Variants in JPH1 observed in about 807,000 individuals in gnomAD.
JPH1 encodes junctophilin-1.
A neutral mutation model predicts 53.6 loss-of-function variants in JPH1; 12 were observed. That is an observed-to-expected ratio of 0.22 (90% confidence interval 0.14 to 0.36). The LOEUF is 0.36. Ranked by LOEUF, JPH1 falls within the 10% of genes least tolerant of loss-of-function variation. The probability of loss-of-function intolerance (pLI) is 1.00; values close to 1 mark genes in which losing one functional copy is unlikely to be tolerated. For missense variants in JPH1, 808 were observed against 905.5 expected (o/e 0.89, Z 1.38); for synonymous variants, 375 against 363.8 (o/e 1.03, Z -0.35).
In JPH1 at chr8:74,255,868, C is replaced by T. The variant is rs375485849; in HGVS notation, c.1258+3517G>A. On this transcript the variant is annotated intron_variant, in intron 3 of 5. Transcript: ENST00000342232. Reference sequence around the variant, plus strand: ...TACCATCTCACACCAGTTAGAATGGCGATCATTAAAAAGTCAGGAGACAAC... The same window carrying T: ...TACCATCTCACACCAGTTAGAATGGTGATCATTAAAAAGTCAGGAGACAAC... Among the ~76,000 whole-genome samples, 1,349 of 152,150 alleles carry T rather than the reference C, an allele frequency of 8.9e-3. 21 individuals are homozygous for T. Among genetic ancestry groups the T allele is most frequent in the South Asian group, 0.023 (112 of 4,816 alleles).
chr8:74,299,398 A>G (rs1172434307), intron 2 of JPH1, among the ~76,000 whole-genome samples: 1 of 152,130 alleles, frequency 6.6e-6, no homozygotes, highest in Non-Finnish European at 1.5e-5. Context: ...ACCTAAATGG[A>G]GTTGTATACA....
intron 2 of JPH1, among the ~76,000 whole-genome samples, chr8:74,282,074 C>G (rs1471720041): frequency 6.6e-6 from 1 of 152,166 alleles, no homozygotes; most frequent in Non-Finnish European, 1.5e-5. Flanking sequence ...ATACATGAAC[C>G]TACCTAATCC....
chr8:74,271,781 G>C (rs945632859), intron 2 of JPH1, among the ~76,000 whole-genome samples: 1 of 152,188 alleles, frequency 6.6e-6, no homozygotes, highest in Admixed American at 6.5e-5. Flanking sequence ...AGTCTTGTGG[G>C]CTGACCAGTA....
At position 74,245,164 on chromosome 8, in the gene JPH1, C is replaced by G; in HGVS notation, c.1270G>C (p.Val424Leu). 6.4e-7 allele frequency: 1 copy of G among 1,572,266 alleles called. No homozygotes were observed. Among genetic ancestry groups the G allele is most frequent in the Non-Finnish European group, 8.6e-7 (1 of 1,167,002 alleles). ...PDFYQPGPDY[V>L]KQRFQEGVDA... ...ACACCTTCCTGAAATCTCTGTTTGA[C>G]GTAATCAGGGCCTGGCCAAAAAAAA... Residue 424 changes from valine (V) to leucine (L), a missense_variant, in exon 4 of 6, where the codon GTC (valine) becomes CTC (leucine). Around this residue, in one of 2 missense-constraint regions of JPH1, gnomAD observed 756 missense variants for 811.9 expected, o/e 0.93. Transcript: ENST00000342232.
At chr8:74,286,063 G>A (rs1241130395) in intron 2 of JPH1, among the ~76,000 whole-genome samples, 1 of 152,056 alleles carries the variant, frequency 6.6e-6, no homozygotes, top group African/African-American at 2.4e-5. Context: ...GCAAGAACCT[G>A]GTCTATTTAA....
intron 2 of JPH1, among the ~76,000 whole-genome samples, chr8:74,274,076 A>C (rs899975669): frequency 6.6e-6 from 1 of 152,164 alleles, no homozygotes; most frequent in Non-Finnish European, 1.5e-5. Flanking sequence ...AAACACGGCA[A>C]ATGCATGTGG....
Position 74,244,653 on chromosome 8 carries a change from G to T in JPH1, c.1781C>A (p.Ser594Tyr). ...PSANKWSPSKSVTKPVAKESK... is the reference protein window; with the variant it reads ...PSANKWSPSKYVTKPVAKESK... The stretch of plus-strand genomic sequence containing the variant: ...TTCTTTGGCAACTGGTTTTGTCACA[G>T]ATTTGGAGGGACTCCACTTGTTAGC... The change falls in exon 4 of 6, where the codon TCT becomes TAT. Residue 594 changes from serine (S) to tyrosine (Y), a missense_variant. Around this residue, in one of 2 missense-constraint regions of JPH1, gnomAD observed 756 missense variants for 811.9 expected, o/e 0.93. Transcript: ENST00000342232. 6.2e-7 allele frequency: 1 copy of T among 1,614,212 alleles called. No individual in the cohort carries two copies. The highest frequency in any genetic ancestry group is 8.5e-7 in the Non-Finnish European group (1 of 1,180,056).
At position 74,253,943 on chromosome 8, in the gene JPH1, C is replaced by T. The variant is rs1033771758; in HGVS notation, c.1258+5442G>A. Among the ~76,000 whole-genome samples the T allele has an allele frequency of 1.3e-5, 2 of 152,188 alleles. 1 individual carries two copies. The highest frequency in any genetic ancestry group is 1.3e-4 in the Admixed American group (2 of 15,302). ...AAAAGTCCAGGACCAGATGGATTCA[C>T]AGCCGAATTCTACCAGAGGTACAAG... On this transcript the variant is annotated intron_variant, in intron 3 of 5. Transcript: ENST00000342232.
intron 2 of JPH1, among the ~76,000 whole-genome samples, chr8:74,261,257 T>C (rs976769850): frequency 6.6e-6 from 1 of 152,116 alleles, no homozygotes; most frequent in African/African-American, 2.4e-5. Context: ...TTAATACTAA[T>C]ATATTAATAC....
At chr8:74,292,843 C>CA (rs1807379426) in intron 2 of JPH1, among the ~76,000 whole-genome samples, 2 of 152,156 alleles carry the variant, frequency 1.3e-5, no homozygotes, top group Non-Finnish European at 2.9e-5. Context: ...TCCTGTTTAG[C>CA]AAGGCAAAAA....
rs186473670 is a variant in JPH1, at chr8:74,299,097, G to A, written c.1139+15764C>T. Among the ~76,000 whole-genome samples the A allele has an allele frequency of 1.4e-4, 21 of 152,204 alleles. No individual in the cohort carries two copies. In the East Asian group the frequency reaches 3.7e-3, roughly 27 times the overall value. ...CTCGGGCTGTACATCATTAGATGGG[G>A]TCTTCTCCCACCTGGTAAAATTTCG... is the stretch of plus-strand genomic sequence containing the variant. On this transcript the variant is annotated intron_variant, in intron 2 of 5. Coordinates refer to ENST00000342232, the MANE Select transcript of JPH1 (RefSeq NM_020647.4).
At chr8:74,287,773 C>T (rs954486382) in intron 2 of JPH1, among the ~76,000 whole-genome samples, 4 of 151,934 alleles carry the variant, frequency 2.6e-5, no homozygotes, top group African/African-American at 7.3e-5. Flanking sequence ...TTCACATCCA[C>T]TGTTTTGGCA....
chr8:74,297,809 T>C (rs1470047145), intron 2 of JPH1, among the ~76,000 whole-genome samples: 1 of 152,244 alleles, frequency 6.6e-6, no homozygotes, highest in African/African-American at 2.4e-5. Flanking sequence ...AAAGCTTTGA[T>C]AGTGTGTGGC....
At chr8:74,261,709 T>C (rs1806401490) in intron 2 of JPH1, among the ~76,000 whole-genome samples, 1 of 152,196 alleles carries the variant, frequency 6.6e-6, no homozygotes, top group Non-Finnish European at 1.5e-5. Context: ...TTCCCCCAAA[T>C]GATTTTCCAT....
intron 2 of JPH1, among the ~76,000 whole-genome samples, chr8:74,291,274 C>G (rs1351588060): frequency 2.0e-5 from 3 of 152,152 alleles, no homozygotes; most frequent in Non-Finnish European, 4.4e-5. Flanking sequence ...AGAACTTAAA[C>G]AAATTTACAA....
At chr8:74,316,502 G>A (rs1430116088) in intron 1 of JPH1, among the ~76,000 whole-genome samples, 1 of 152,168 alleles carries the variant, frequency 6.6e-6, no homozygotes, top group Non-Finnish European at 1.5e-5. Flanking sequence ...TGTGTTTGTG[G>A]ATGGAGGGTG....
At chr8:74,269,882 T>C (rs1264761105) in intron 2 of JPH1, among the ~76,000 whole-genome samples, 3 of 152,260 alleles carry the variant, frequency 2.0e-5, no homozygotes, top group Non-Finnish European at 1.5e-5. Context: ...ATCTTCTAGA[T>C]TTGTTTTAGC....
chr8:74,254,990 A>G (rs1806175770), intron 3 of JPH1, among the ~76,000 whole-genome samples: 1 of 152,204 alleles, frequency 6.6e-6, no homozygotes, highest in South Asian at 2.1e-4. Context: ...TATAGATTCA[A>G]TGCTGTCCCC....
At chr8:74,242,544 C>T (rs1805726735) in intron 4 of JPH1, among the ~76,000 whole-genome samples, 1 of 152,236 alleles carries the variant, frequency 6.6e-6, no homozygotes, top group Admixed American at 6.5e-5. Flanking sequence ...CAGTGTCTTT[C>T]TCTCAAAACT....
Sources: allele counts gnomAD v4.1 joint callset (sites outside exome capture counted in the v4.1 genomes callset), GRCh38; gene constraint gnomAD v4.1.1; regional missense constraint gnomAD v4.1.1; transcripts MANE v1.5; gene names NCBI Gene and HGNC (gene_info 2026-07-23, HGNC 2026-07-21).